Variants in ZC3H7B observed in about 807,000 individuals in gnomAD.
The protein encoded by ZC3H7B is zinc finger CCCH-type containing 7B, also known as zinc finger CCCH domain-containing protein 7B.
In ZC3H7B, 35 loss-of-function variants were observed where a neutral mutation model predicts 116.0. The observed-to-expected ratio is 0.30, with a 90% CI of 0.23 to 0.40. The LOEUF (loss-of-function observed/expected upper bound fraction) is 0.40. ZC3H7B is among the 10% of genes least tolerant of loss of function. The pLI is 1.00. For missense variants in ZC3H7B, 1,011 were observed against 1,321.5 expected, an observed-to-expected ratio of 0.77 and a Z score of 3.64; for synonymous variants, 502 against 545.6, an observed-to-expected ratio of 0.92 and a Z score of 1.11.
chr22:41,332,331 T>A, intron 7 of ZC3H7B, 104 bp downstream of exon 7: 1 of 1,379,624 alleles, frequency 7.2e-7, no homozygotes, highest in Non-Finnish European at 1.0e-6. Flanking sequence ...TCCAGGGGCC[T>A]CCGCCTCCCT....
chr22:41,334,461 C>T (rs534745318), intron 7 of ZC3H7B: 1 of 152,472 alleles, frequency 6.6e-6, no homozygotes, highest in East Asian at 1.9e-4. Context: ...ACCAGGCCCC[C>T]CCCAGTCCCT....
chr22:41,324,731 G>A (rs1197948884), intron 2 of ZC3H7B, among the ~76,000 whole-genome samples: 4 of 152,150 alleles, frequency 2.6e-5, no homozygotes, highest in Non-Finnish European at 5.9e-5. Flanking sequence ...TGGGTGGGGC[G>A]TGTGTTATGT....
chr22:41,343,529 C>T lies in ZC3H7B; in HGVS notation c.1412C>T (p.Pro471Leu). The change falls in exon 13 of 23, where the codon CCC (proline) becomes CTC (leucine). Residue 471 changes from proline (P) to leucine (L), a missense_variant. This residue lies in a region of ZC3H7B where 179 missense variants were observed against 178.5 expected (regional missense o/e 1.00). Transcript: ENST00000352645. ...GACCAGACCTGGAAGCGGATCCGGC[C>T]CCGGCCCACTAAGACCAGCTTCGTG... ...SEDQTWKRIR[P>L]RPTKTSFVGS... The T allele has an allele frequency of 6.2e-7, 1 of 1,613,134 alleles. No individual in the cohort carries two copies. Among genetic ancestry groups the T allele is most frequent in the South Asian group, 1.1e-5 (1 of 91,024 alleles).
intron 9 of ZC3H7B, 110 bp downstream of exon 9, chr22:41,339,301 G>A: frequency 7.5e-7 from 1 of 1,338,292 alleles, no homozygotes; most frequent in Non-Finnish European, 1.0e-6. Flanking sequence ...TGTCTCAGGA[G>A]GAGGCCTCAG....
chr22:41,345,516 C>T (rs567559641), intron 13 of ZC3H7B, among the ~76,000 whole-genome samples: 2 of 152,086 alleles, frequency 1.3e-5, no homozygotes, highest in African/African-American at 2.4e-5. Flanking sequence ...ATCCAGGAGG[C>T]GGAGGTTGCA....
At chr22:41,306,373 C>CT (rs150362292) in intron 1 of ZC3H7B, among the ~76,000 whole-genome samples, 33,912 of 136,140 alleles carry the variant, frequency 0.25, 5,570 homozygotes, top group Admixed American at 0.45. Context: ...TTATTTAATT[C>CT]TTTTTTTTTT....
rs2036479155 is a variant in ZC3H7B at position 41,338,888 on chromosome 22, C to A, written c.626-113C>A. ...CCGATGGGGAAGGCAGGGCTCCTGG[C>A]AAGAGCTGAAAGAAGAAGGGAAAGT... is the stretch of plus-strand genomic sequence containing the variant. On this transcript the variant is annotated intron_variant, in intron 8 of 22. Transcript: ENST00000352645. The surrounding 1 kb of genome is among the most constrained non-coding windows in gnomAD (Gnocchi z 4.5). 3 of 1,223,652 alleles carry A rather than the reference C, an allele frequency of 2.5e-6. No homozygotes were observed. Among genetic ancestry groups the A allele is most frequent in the East Asian group, 2.5e-5 (1 of 39,972 alleles). The allele number at this position is 1,223,652 out of a possible 1,614,324, so 75.8% of individuals were successfully genotyped here. A position where few individuals can be genotyped will look rare whatever the true frequency, so the allele number is the denominator to read the frequency against.
intron 7 of ZC3H7B, among the ~76,000 whole-genome samples, chr22:41,337,151 A>G (rs994093693): frequency 6.6e-6 from 1 of 151,866 alleles, no homozygotes; most frequent in Non-Finnish European, 1.5e-5. Flanking sequence ...AAGAATAAAT[A>G]AAAATACAAA....
intron 18 of ZC3H7B, 41 bp downstream of exon 18, chr22:41,355,643 C>T (rs1569244809): frequency 6.2e-7 from 1 of 1,612,762 alleles, no homozygotes; most frequent in Admixed American, 1.7e-5. Context: ...GGGATGGGGC[C>T]ACCCTACCAC....
rs893633035 is a variant in ZC3H7B, at chr22:41,302,007, G to A, written c.-7+235G>A. On this transcript the variant is annotated intron_variant, in intron 1 of 22. Transcript: ENST00000352645. The surrounding 1 kb of genome is among the most constrained non-coding windows in gnomAD (Gnocchi z 5.7). ...CCTTTTTGGGGATCCCGGTCCCCGT[G>A]CCCTGCCCCAAAGTTTAAAAGTTAC... Among the ~76,000 whole-genome samples, 1 of 152,152 alleles carries A rather than the reference G, an allele frequency of 6.6e-6. No homozygotes were observed. Among genetic ancestry groups the A allele is most frequent in the Non-Finnish European group, 1.5e-5 (1 of 68,010 alleles).
rs543268885 is a variant in ZC3H7B, at chr22:41,331,204, G to A, written c.526-967G>A. 4.5e-3 allele frequency among the ~76,000 whole-genome samples: 652 copies of A among 146,460 alleles called. 5 individuals are homozygous for A. Among genetic ancestry groups the A allele is most frequent in the African/African-American group, 0.014 (547 of 39,850 alleles). ...GCGGAGGTTGCGGTGAGCCAAGATC[G>A]CACCATTGCACTCCAGCCTGGGCAA... On this transcript the variant is annotated intron_variant, in intron 6 of 22. Coordinates refer to ENST00000352645, the MANE Select transcript of ZC3H7B (RefSeq NM_017590.6).
At chr22:41,332,493 C>T (rs1054545704) in intron 7 of ZC3H7B, 5 of 444,694 alleles carry the variant, frequency 1.1e-5, no homozygotes, top group African/African-American at 1.0e-4. Context: ...TCCCACACGC[C>T]TTCCTTCTGC....
At chr22:41,336,859 G>C (rs1033450602) in intron 7 of ZC3H7B, 1 of 151,554 alleles carries the variant, frequency 6.6e-6, no homozygotes, top group Admixed American at 6.6e-5. Context: ...AAAAAAGTTG[G>C]GTGTGGTGGC....
chr22:41,309,887 G>A (rs1423028134), intron 1 of ZC3H7B, among the ~76,000 whole-genome samples: 1 of 152,004 alleles, frequency 6.6e-6, no homozygotes, highest in Non-Finnish European at 1.5e-5. Flanking sequence ...AACAGCCCAC[G>A]ACTGGGCAGG....
In ZC3H7B at chr22:41,346,770, C is replaced by T. The variant is rs1355234816; in HGVS notation, c.1665+562C>T. 1.3e-5 allele frequency among the ~76,000 whole-genome samples: 2 copies of T among 152,034 alleles called. No individual in the cohort carries two copies. Among genetic ancestry groups the T allele is most frequent in the East Asian group, 1.9e-4 (1 of 5,180 alleles). On this transcript the variant is annotated intron_variant, in intron 14 of 22. Transcript: ENST00000352645. The surrounding 1 kb of genome is among the most constrained non-coding windows in gnomAD (Gnocchi z 5.3). ...GGCAAAGGTTGCAGTGAGCCGAGATCGCGCAACTGCACTAGAGACTCCATC... is the reference window on the plus strand; with the variant it reads ...GGCAAAGGTTGCAGTGAGCCGAGATTGCGCAACTGCACTAGAGACTCCATC...
chr22:41,317,073 C>T (rs999040073), intron 1 of ZC3H7B, among the ~76,000 whole-genome samples: 32 of 151,922 alleles, frequency 2.1e-4, no homozygotes, highest in African/African-American at 7.0e-4. Flanking sequence ...GTCTTGACCT[C>T]GTTATCCGCC....
chr22:41,322,107 G>A (rs1397536498), intron 2 of ZC3H7B, among the ~76,000 whole-genome samples: 2 of 151,458 alleles, frequency 1.3e-5, no homozygotes, highest in Non-Finnish European at 2.9e-5. Context: ...CCAAAGTGCT[G>A]GGATTACAGG....
chr22:41,357,433 C>G lies in ZC3H7B; in HGVS notation c.*4C>G. On this transcript the variant is annotated 3_prime_UTR_variant, in exon 23 of 23. Transcript: ENST00000352645. This position sits in a 1 kb window ranked among gnomAD's most constrained non-coding sequence, Gnocchi z 5.4. ...CACCGCCACCACTGGGGAGTAGGGCCAGGTGTTGGCCGTGGGTGAAGTCCT... is the reference window on the plus strand; with the variant it reads ...CACCGCCACCACTGGGGAGTAGGGCGAGGTGTTGGCCGTGGGTGAAGTCCT... 6.3e-7 allele frequency: 1 copy of G among 1,581,306 alleles called. No individual in the cohort carries two copies. Among genetic ancestry groups the G allele is most frequent in the Non-Finnish European group, 8.6e-7 (1 of 1,161,012 alleles).
rs931775755 is a variant in ZC3H7B at position 41,302,211 on chromosome 22, C to T, written c.-7+439C>T. Among the ~76,000 whole-genome samples the T allele has an allele frequency of 1.3e-4, 20 of 151,926 alleles. No homozygotes were observed. The highest frequency in any genetic ancestry group is 1.0e-3 in the South Asian group (5 of 4,822). On this transcript the variant is annotated intron_variant, in intron 1 of 22. Transcript: ENST00000352645. The surrounding 1 kb of genome is among the most constrained non-coding windows in gnomAD (Gnocchi z 5.7). ...GCTGGCAGGGGCGTCGCTGGCAGGG[C>T]CCCCCTTCCTTTTGTGTTGTCCTTG...
Sources: gnomAD v4.1 joint callset for allele counts (sites outside exome capture counted in the v4.1 genomes callset) on GRCh38, gnomAD v4.1.1 for gene constraint, gnomAD v4.1.1 regional missense constraint, Gnocchi (gnomAD v3.1) non-coding constraint, MANE v1.5 for transcripts, NCBI Gene and HGNC (gene_info 2026-07-23, HGNC 2026-07-21) for gene names.